The following TEAD1 variants were observed in gnomAD, a reference collection of about 807,000 sequenced individuals.
TEAD1 encodes the protein TEA domain transcription factor 1, also known as transcriptional enhancer factor TEF-1.
TEAD1 carries 9 observed loss-of-function variants against 54.9 expected under a neutral mutation model. That is an observed-to-expected ratio of 0.16 (90% confidence interval 0.10 to 0.29). The LOEUF is 0.29. Among genes scored for constraint, TEAD1 ranks in the 10% least tolerant of loss-of-function variants. The probability of loss-of-function intolerance (pLI) is 1.00; values close to 1 mark genes in which losing one functional copy is unlikely to be tolerated. For missense variants in TEAD1, 387 were observed against 535.9 expected, an observed-to-expected ratio of 0.72 and a Z score of 2.74; for synonymous variants, 200 against 187.8, an observed-to-expected ratio of 1.07 and a Z score of -0.53.
At chr11:12,731,480 A>T (rs1944423971) in intron 2 of TEAD1, among the ~76,000 whole-genome samples, 1 of 152,112 alleles carries the variant, frequency 6.6e-6, no homozygotes, top group Non-Finnish European at 1.5e-5. Flanking sequence ...TTAACCATAT[A>T]TTTGGGGATA....
chr11:12,729,480 A>G (rs1944377813), intron 2 of TEAD1, among the ~76,000 whole-genome samples: 1 of 152,214 alleles, frequency 6.6e-6, no homozygotes, highest in Admixed American at 6.5e-5. Flanking sequence ...GATCATCAGT[A>G]AGTCTGTAAT....
chr11:12,769,587 A>T (rs944343385), intron 3 of TEAD1, among the ~76,000 whole-genome samples: 1 of 152,006 alleles, frequency 6.6e-6, no homozygotes, highest in Non-Finnish European at 1.5e-5. Context: ...AGGCTTTGTC[A>T]GTGGAGGCCC....
chr11:12,795,419 C>T (rs111513726), intron 3 of TEAD1, among the ~76,000 whole-genome samples: 21 of 152,158 alleles, frequency 1.4e-4, no homozygotes, highest in Non-Finnish European at 3.1e-4. Flanking sequence ...CTTTTTGGGG[C>T]ATGCAATTCA....
chr11:12,834,350 A>G, intron 3 of TEAD1, among the ~76,000 whole-genome samples: 1 of 152,238 alleles, frequency 6.6e-6, no homozygotes, highest in South Asian at 2.1e-4. Context: ...ACTTGTGAAC[A>G]TCTGACATGA....
chr11:12,826,757 A>G (rs1946666123), intron 3 of TEAD1, among the ~76,000 whole-genome samples: 1 of 152,218 alleles, frequency 6.6e-6, no homozygotes, highest in African/African-American at 2.4e-5. Context: ...CTTTGTACCT[A>G]GCATATAGGA....
intron 10 of TEAD1, among the ~76,000 whole-genome samples, chr11:12,919,960 G>A (rs1475269624): frequency 6.6e-6 from 1 of 152,170 alleles, no homozygotes; most frequent in Non-Finnish European, 1.5e-5. Context: ...TGAGTCCACA[G>A]TCCCCATGGT....
chr11:12,747,966 A>AT (rs11387620), intron 2 of TEAD1, among the ~76,000 whole-genome samples: 19,598 of 146,978 alleles, frequency 0.13, 4,324 homozygotes, highest in African/African-American at 0.46. Flanking sequence ...GATCCCTGCA[A>AT]TTTTTTTTTT....
intron 3 of TEAD1, among the ~76,000 whole-genome samples, chr11:12,861,175 C>T (rs1417936799): frequency 6.6e-6 from 1 of 152,212 alleles, no homozygotes; most frequent in African/African-American, 2.4e-5. Context: ...TTAGAAGAAC[C>T]CATGTCTTGT....
chr11:12,836,686 A>G (rs1440321205), intron 3 of TEAD1, among the ~76,000 whole-genome samples: 7 of 152,114 alleles, frequency 4.6e-5, no homozygotes, highest in Admixed American at 2.0e-4. Context: ...TCCAGAATGT[A>G]TTTATTTTTG....
chr11:12,883,702 C>T (rs748959998), intron 9 of TEAD1, among the ~76,000 whole-genome samples: 3 of 152,178 alleles, frequency 2.0e-5, no homozygotes, highest in Non-Finnish European at 2.9e-5. Context: ...AAGTTGTTCT[C>T]TTCTTAAGAA....
chr11:12,768,324 A>C (rs541234650), intron 3 of TEAD1, among the ~76,000 whole-genome samples: 1 of 152,224 alleles, frequency 6.6e-6, no homozygotes, highest in Non-Finnish European at 1.5e-5. Context: ...ACTAATTGTT[A>C]TCTGGAACAC....
At chr11:12,934,190 T>C (rs1467649590) in intron 12 of TEAD1, among the ~76,000 whole-genome samples, 1 of 152,204 alleles carries the variant, frequency 6.6e-6, no homozygotes, top group East Asian at 1.9e-4. Flanking sequence ...ATATACATCA[T>C]GGAATACTAT....
At position 12,930,268 on chromosome 11, in the gene TEAD1, A is replaced by G; in HGVS notation, c.1109A>G (p.Lys370Arg). ...ATGATCAACTTCATCCACAAGCTCA[A>G]ACACTTACCAGAGAAATATATGATG... Residue 370 changes from lysine to arginine, a missense_variant, in exon 12 of 13, where the codon AAA (lysine) becomes AGA (arginine). Physicochemically the swap from Lys to Arg is conservative, Grantham distance 26. Coordinates refer to ENST00000527636, the MANE Select transcript of TEAD1 (RefSeq NM_021961.6). 4.3e-6 allele frequency: 7 copies of G among 1,614,214 alleles called. No homozygotes were observed. The highest frequency in any genetic ancestry group is 5.1e-6 in the Non-Finnish European group (6 of 1,180,032).
At chr11:12,814,792 T>C (rs1343242006) in intron 3 of TEAD1, among the ~76,000 whole-genome samples, 2 of 11,192 alleles carry the variant, frequency 1.8e-4, no homozygotes, top group Non-Finnish European at 5.0e-4. Flanking sequence ...TGTGTGTGTG[T>C]GTGTGTGTGT....
At chr11:12,842,003 CAT>C (rs1006851873) in intron 3 of TEAD1, among the ~76,000 whole-genome samples, 2 of 152,168 alleles carry the variant, frequency 1.3e-5, no homozygotes, top group African/African-American at 4.8e-5. Flanking sequence ...CGGCTTTCCT[CAT>C]GTGCCGAATT....
In TEAD1 at chr11:12,937,924, T is replaced by C. The variant is rs1355119496; in HGVS notation, c.*702T>C. ...ACTAATCTCCTAATCCATTAAACTCTTGAACAGGTATTACAAAGGAAGAAA... is the reference window on the plus strand; with the variant it reads ...ACTAATCTCCTAATCCATTAAACTCCTGAACAGGTATTACAAAGGAAGAAA... On this transcript the variant is annotated 3_prime_UTR_variant, in exon 13 of 13. Coordinates refer to ENST00000527636, the MANE Select transcript of TEAD1 (RefSeq NM_021961.6). The C allele has an allele frequency of 2.0e-5, 3 of 152,490 alleles. No homozygotes were observed. The highest frequency in any genetic ancestry group is 7.2e-5 in the African/African-American group (3 of 41,418). The allele number at this position is 152,490 out of a possible 1,614,324, so 9.4% of individuals were successfully genotyped here.
At chr11:12,842,494 G>A (rs1013884902) in intron 3 of TEAD1, among the ~76,000 whole-genome samples, 4 of 152,288 alleles carry the variant, frequency 2.6e-5, no homozygotes, top group Admixed American at 6.5e-5. Context: ...AACTTCCGGA[G>A]ATACTCTTAG....
intron 2 of TEAD1, among the ~76,000 whole-genome samples, chr11:12,702,473 C>G (rs752311012): frequency 6.6e-6 from 1 of 152,138 alleles, no homozygotes; most frequent in Admixed American, 6.5e-5. Flanking sequence ...AGCCTCAGGA[C>G]AATGCCGAGA....
At chr11:12,712,872 C>T (rs1002416743) in intron 2 of TEAD1, among the ~76,000 whole-genome samples, 2 of 152,106 alleles carry the variant, frequency 1.3e-5, no homozygotes, top group Admixed American at 6.5e-5. Context: ...TTAAATAGTA[C>T]TTGGGCCTGA....
Sources: gnomAD v4.1 joint callset for allele counts (sites outside exome capture counted in the v4.1 genomes callset) on GRCh38, gnomAD v4.1.1 for gene constraint, MANE v1.5 for transcripts, NCBI Gene and HGNC (gene_info 2026-07-23, HGNC 2026-07-21) for gene names.